LRRC7: variants seen among roughly 807,000 people sequenced by gnomAD.
LRRC7 encodes leucine rich repeat containing 7.
LRRC7 carries 23 observed loss-of-function variants against 175.7 expected under a neutral mutation model. That is an observed-to-expected ratio of 0.13 (90% CI 0.09 to 0.19). The LOEUF is 0.19. Ranked by LOEUF, LRRC7 falls within the 10% of genes least tolerant of loss-of-function variation. The pLI is 1.00. For synonymous variants in LRRC7, 685 were observed against 680.9 expected, an observed-to-expected ratio of 1.01 and a Z score of -0.09; for missense variants, 1,354 against 1,904.7, an observed-to-expected ratio of 0.71 and a Z score of 5.38.
chr1:69,709,017 C>G (rs755890252), intron 2 of LRRC7, among the ~76,000 whole-genome samples: 1 of 152,136 alleles, frequency 6.6e-6, no homozygotes, highest in Non-Finnish European at 1.5e-5. Flanking sequence ...CGATCTACTA[C>G]AAAAAGGCTT....
chr1:69,944,070 T>C (rs1041045276), intron 8 of LRRC7, among the ~76,000 whole-genome samples: 2 of 152,060 alleles, frequency 1.3e-5, no homozygotes, highest in East Asian at 3.9e-4. Context: ...GTGCAGCAGA[T>C]CTCTAGAACT....
chr1:70,091,176 C>T lies in LRRC7; in HGVS notation c.4545+1357C>T, dbSNP rs552304039. Reference sequence around the variant, plus strand: ...CTGTTCATAGGTAACTAGCATATTTCCATTTTGAAATGATGTTGAGGATAC... The same window carrying T: ...CTGTTCATAGGTAACTAGCATATTTTCATTTTGAAATGATGTTGAGGATAC... On this transcript the variant is annotated intron_variant, in intron 25 of 26. Coordinates refer to ENST00000651989, the MANE Select transcript of LRRC7 (RefSeq NM_001370785.2). Among the ~76,000 whole-genome samples the T allele has an allele frequency of 3.9e-5, 6 of 152,136 alleles. No individual in the cohort carries two copies. In the South Asian group the frequency reaches 1.2e-3, roughly 32 times the overall value.
At chr1:69,643,691 C>G (rs184248112) in intron 1 of LRRC7, among the ~76,000 whole-genome samples, 49 of 152,210 alleles carry the variant, frequency 3.2e-4, no homozygotes, top group Admixed American at 2.2e-3. Flanking sequence ...CTTCTTTGCT[C>G]TCTTTACTCA....
At chr1:69,821,389 AT>A (rs1679280062) in intron 4 of LRRC7, among the ~76,000 whole-genome samples, 1 of 149,294 alleles carries the variant, frequency 6.7e-6, no homozygotes, top group Non-Finnish European at 1.5e-5. Context: ...TGCATTTTCC[AT>A]TTCATTTATT....
intron 3 of LRRC7, among the ~76,000 whole-genome samples, chr1:69,771,674 T>C (rs1468231770): frequency 1.3e-5 from 2 of 152,214 alleles, no homozygotes; most frequent in Admixed American, 6.5e-5. Flanking sequence ...TTACCAATTA[T>C]GTGCAAGCAT....
chr1:69,832,537 A>T (rs1680645282), intron 5 of LRRC7, among the ~76,000 whole-genome samples: 1 of 152,190 alleles, frequency 6.6e-6, no homozygotes. Flanking sequence ...TTTATTCCTA[A>T]CTAATCAGCG....
At chr1:69,935,672 C>G (rs531974688) in intron 8 of LRRC7, among the ~76,000 whole-genome samples, 2 of 152,140 alleles carry the variant, frequency 1.3e-5, no homozygotes, top group South Asian at 4.1e-4. Context: ...TATTGGTAGT[C>G]ATTTTCTTGT....
chr1:70,093,303 A>G (rs1283712390), intron 25 of LRRC7, among the ~76,000 whole-genome samples: 4 of 152,206 alleles, frequency 2.6e-5, no homozygotes, highest in Non-Finnish European at 5.9e-5. Flanking sequence ...GCACTGTATT[A>G]GGCTCTTTAT....
At chr1:69,791,318 C>T (rs1675085164) in intron 3 of LRRC7, among the ~76,000 whole-genome samples, 2 of 151,932 alleles carry the variant, frequency 1.3e-5, no homozygotes. Flanking sequence ...TTTTTGACCC[C>T]CTTACAGGAC....
chr1:70,078,386 T>C (rs61784284), intron 24 of LRRC7, among the ~76,000 whole-genome samples: 23,359 of 152,054 alleles, frequency 0.15, 2,868 homozygotes, highest in African/African-American at 0.33. Flanking sequence ...CTCTTCCCAA[T>C]GGCACCTTCA....
intron 1 of LRRC7, chr1:69,607,977 G>A (rs930768523): frequency 4.6e-5 from 7 of 152,278 alleles, no homozygotes; most frequent in Non-Finnish European, 1.0e-4. Context: ...CATATTTCCT[G>A]GTTTTGAGCA....
chr1:70,023,381 C>A lies in LRRC7; in HGVS notation c.1794+7C>A, dbSNP rs1657722132. 6.4e-7 allele frequency: 1 copy of A among 1,565,514 alleles called. No individual in the cohort carries two copies. Among genetic ancestry groups the A allele is most frequent in the South Asian group, 1.2e-5 (1 of 82,520 alleles). ...CTCTCTAAGTGGCAGACAGGTAGGC[C>A]TAGGTGTCTGGGGTAGGAGAATCTC... On this transcript the variant is annotated splice_region_variant and intron_variant, in intron 17 of 26. Coordinates refer to ENST00000651989, the MANE Select transcript of LRRC7 (RefSeq NM_001370785.2).
chr1:70,054,720 C>T (rs935923702), intron 23 of LRRC7, among the ~76,000 whole-genome samples: 1 of 151,568 alleles, frequency 6.6e-6, no homozygotes, highest in Non-Finnish European at 1.5e-5. Context: ...CTGCCTCAGC[C>T]TCCCGAGTAG....
At chr1:69,924,285 G>A (rs112823831) in intron 7 of LRRC7, among the ~76,000 whole-genome samples, 1 of 152,050 alleles carries the variant, frequency 6.6e-6, no homozygotes, top group African/African-American at 2.4e-5. Context: ...TGGCGATGCG[G>A]GCTCTTTTTT....
chr1:70,043,827 G>A, intron 21 of LRRC7, 127 bp from the exon 22 acceptor site: 1 of 1,109,208 alleles, frequency 9.0e-7, no homozygotes, highest in Non-Finnish European at 1.3e-6. Flanking sequence ...TCAAGTGCAT[G>A]TTTTTTTAAA....
intron 11 of LRRC7, among the ~76,000 whole-genome samples, chr1:69,999,879 G>A (rs534004907): frequency 6.6e-6 from 1 of 152,084 alleles, no homozygotes; most frequent in African/African-American, 2.4e-5. Context: ...CATAGGCCCA[G>A]GTCTTCTTCT....
At chr1:69,777,238 T>C (rs1348864404) in intron 3 of LRRC7, among the ~76,000 whole-genome samples, 1 of 152,160 alleles carries the variant, frequency 6.6e-6, no homozygotes, top group Non-Finnish European at 1.5e-5. Context: ...CAGGAGGAAC[T>C]CTTTTTAGAA....
At chr1:69,934,247 G>T (rs999923040) in intron 8 of LRRC7, among the ~76,000 whole-genome samples, 3 of 152,096 alleles carry the variant, frequency 2.0e-5, no homozygotes, top group African/African-American at 7.2e-5. Flanking sequence ...ACATGGTAAA[G>T]AGACAATGTG....
intron 7 of LRRC7, among the ~76,000 whole-genome samples, chr1:69,905,478 A>G (rs548628199): frequency 1.3e-5 from 2 of 152,100 alleles, no homozygotes; most frequent in South Asian, 4.2e-4. Flanking sequence ...TCATTGTTCA[A>G]TTCCCACCTA....
Sources: gnomAD v4.1 joint callset for allele counts (sites outside exome capture counted in the v4.1 genomes callset) on GRCh38, gnomAD v4.1.1 for gene constraint, MANE v1.5 for transcripts, NCBI Gene and HGNC (gene_info 2026-07-23, HGNC 2026-07-21) for gene names.